GPATCH8: variants seen among roughly 807,000 people sequenced by gnomAD.
The protein encoded by GPATCH8 is G-patch domain containing 8.
GPATCH8 carries 18 observed loss-of-function variants against 118.3 expected under a neutral mutation model. The observed-to-expected ratio is 0.15, with a 90% CI of 0.11 to 0.23. GPATCH8 has a LOEUF of 0.23. Ranked by LOEUF, GPATCH8 falls within the 10% of genes least tolerant of loss-of-function variation. The probability of loss-of-function intolerance (pLI) is 1.00; values close to 1 mark genes in which losing one functional copy is unlikely to be tolerated. For missense variants in GPATCH8, 1,631 were observed against 1,873.8 expected (o/e 0.87, Z 2.39); for synonymous variants, 659 against 684.7 (o/e 0.96, Z 0.59).
chr17:44,409,368 G>T (rs923626108), intron 6 of GPATCH8: 1 of 152,048 alleles, frequency 6.6e-6, no homozygotes, highest in South Asian at 2.1e-4. Context: ...CCAAGACATG[G>T]GTTATAAGGT....
At chr17:44,490,785 G>T (rs1447757777) in intron 1 of GPATCH8, among the ~76,000 whole-genome samples, 1 of 152,092 alleles carries the variant, frequency 6.6e-6, no homozygotes. Context: ...CAACCTGGCT[G>T]ACCTGCTCTG....
chr17:44,480,707 CAA>C (rs1370443105), intron 1 of GPATCH8, among the ~76,000 whole-genome samples: 16 of 100,154 alleles, frequency 1.6e-4, no homozygotes, highest in Admixed American at 3.1e-4. Flanking sequence ...GCAACAAGGG[CAA>C]AAAAAAAAAA....
At chr17:44,430,082 A>G (rs1044260527) in intron 5 of GPATCH8, among the ~76,000 whole-genome samples, 1 of 34,008 alleles carries the variant, frequency 2.9e-5, no homozygotes, top group Non-Finnish European at 5.6e-5. Flanking sequence ...CGACCCACCC[A>G]CCCACCCACT....
chr17:44,445,128 G>C (rs1423259576), intron 3 of GPATCH8, among the ~76,000 whole-genome samples: 1 of 152,090 alleles, frequency 6.6e-6, no homozygotes, highest in Non-Finnish European at 1.5e-5. Flanking sequence ...GAGCCTTAAG[G>C]CTTGTTCAAT....
Position 44,399,243 on chromosome 17 carries a change from C to G in GPATCH8, c.2834G>C (p.Arg945Pro), listed in dbSNP as rs1225837014. Residue 945 changes from arginine to proline, a missense_variant, in exon 8 of 8, where the codon CGA becomes CCA. By Grantham distance (103) the Arg-to-Pro change is moderately radical. Coordinates refer to ENST00000591680, the MANE Select transcript of GPATCH8 (RefSeq NM_001002909.4). The stretch of plus-strand genomic sequence containing the variant: ...GCGCTCTCTGGTATGACTCCGAGAT[C>G]GGCTTCGGGACTGGCTGCAACTGAG... Reference protein sequence around the residue: ...YSLSCSQSRSRSRSHTRERSR... With the variant: ...YSLSCSQSRSPSRSHTRERSR... 4.3e-6 allele frequency: 7 copies of G among 1,614,016 alleles called. No individual in the cohort carries two copies. In the East Asian group the frequency reaches 6.7e-5, roughly 15 times the overall value.
chr17:44,452,087 A>G (rs1373003710), intron 3 of GPATCH8, among the ~76,000 whole-genome samples: 5 of 151,986 alleles, frequency 3.3e-5, no homozygotes, highest in Non-Finnish European at 7.4e-5. Context: ...TCTGGCCAAC[A>G]TAGTGAAACC....
rs2050021491 is a variant in GPATCH8 at position 44,424,472 on chromosome 17, C to T, written c.369G>A (p.Lys123=). The change falls in exon 6 of 8, where the codon AAG becomes AAA. Residue 123 remains lysine (K), a synonymous_variant. Coordinates refer to ENST00000591680, the MANE Select transcript of GPATCH8 (RefSeq NM_001002909.4). The part of the protein sequence containing the change: ...QKYKDYVDKE[K]AIAKALEDLR... ...GGTCTTCCAAGGCTTTGGCAATTGC[C>T]TTCTCTTTGTCAACATAATCCTTCA... 6 of 1,608,878 alleles carry T rather than the reference C, an allele frequency of 3.7e-6. No individual in the cohort carries two copies. In the Admixed American group the frequency reaches 5.0e-5, roughly 13 times the overall value.
intron 1 of GPATCH8, among the ~76,000 whole-genome samples, chr17:44,491,747 G>A (rs1446163763): frequency 6.6e-6 from 1 of 151,936 alleles, no homozygotes; most frequent in Non-Finnish European, 1.5e-5. Context: ...CCAGCTACTC[G>A]GGAGGCTGCA....
chr17:44,452,709 G>C (rs150599711), intron 3 of GPATCH8, among the ~76,000 whole-genome samples: 1 of 152,160 alleles, frequency 6.6e-6, no homozygotes, highest in Non-Finnish European at 1.5e-5. Context: ...AATGAAAAGA[G>C]ATTTCGATGG....
At position 44,399,945 on chromosome 17, in the gene GPATCH8, C is replaced by T. The variant is rs749352671; in HGVS notation, c.2132G>A (p.Arg711His). 15 of 1,613,924 alleles carry T rather than the reference C, an allele frequency of 9.3e-6. No individual in the cohort carries two copies. Among genetic ancestry groups the T allele is most frequent in the East Asian group, 2.2e-5 (1 of 44,888 alleles). Residue 711 changes from arginine to histidine, a missense_variant, in exon 8 of 8, where the codon CGC (arginine) becomes CAC (histidine). By Grantham distance (29) the Arg-to-His change is conservative. Transcript: ENST00000591680. ...KAESGEKSKK[R>H]KKRKRKKNKS... The stretch of plus-strand genomic sequence containing the variant: ...ATTCTTCTTTCGTTTTCGTTTCTTG[C>T]GCTTCTTAGATTTCTCCCCTGACTC...
intron 3 of GPATCH8, among the ~76,000 whole-genome samples, chr17:44,458,012 G>A (rs2051399741): frequency 6.6e-6 from 1 of 151,808 alleles, no homozygotes; most frequent in African/African-American, 2.4e-5. Flanking sequence ...GTGAACCCGG[G>A]AGGTGGAGCT....
intron 1 of GPATCH8, among the ~76,000 whole-genome samples, chr17:44,478,363 G>T (rs1049014373): frequency 6.6e-5 from 10 of 152,060 alleles, no homozygotes; most frequent in African/African-American, 2.4e-4. Context: ...AATGATACAG[G>T]AATAAACCAG....
rs1188702597 is a variant in GPATCH8 at position 44,398,877 on chromosome 17, T to C, written c.3200A>G (p.Asn1067Ser). The C allele has an allele frequency of 1.2e-6, 2 of 1,614,092 alleles. No individual in the cohort carries two copies. The highest frequency in any genetic ancestry group is 1.6e-4 in the Middle Eastern group (1 of 6,062). Residue 1067 changes from asparagine to serine, a missense_variant, in exon 8 of 8, where the codon AAC becomes AGC. Physicochemically the swap from Asn to Ser is conservative, Grantham distance 46. Transcript: ENST00000591680. ...CCCTCTTCCTGTGCCAATGTTGCTG[T>C]TCTGGGAAGGTGGACCTGTTGCTTT... ...DSKATGPPSQ[N>S]SNIGTGRGSE...
chr17:44,490,123 C>A (rs1969127438), intron 1 of GPATCH8, among the ~76,000 whole-genome samples: 1 of 151,972 alleles, frequency 6.6e-6, no homozygotes, highest in Non-Finnish European at 1.5e-5. Flanking sequence ...CACAGGGACA[C>A]CCTATCTTTA....
At chr17:44,413,446 G>A (rs757916331) in intron 6 of GPATCH8, among the ~76,000 whole-genome samples, 2 of 151,878 alleles carry the variant, frequency 1.3e-5, no homozygotes, top group Non-Finnish European at 2.9e-5. Flanking sequence ...AATTTTTTGT[G>A]TTGGGATTAC....
At chr17:44,441,924 A>G (rs2050704335) in intron 3 of GPATCH8, among the ~76,000 whole-genome samples, 1 of 151,806 alleles carries the variant, frequency 6.6e-6, no homozygotes, top group South Asian at 2.1e-4. Context: ...GCTACTTGGG[A>G]GGCTGAGGCA....
chr17:44,445,963 T>A (rs575713984), intron 3 of GPATCH8: 1 of 152,300 alleles, frequency 6.6e-6, no homozygotes, highest in African/African-American at 2.4e-5. Context: ...AGAGACAGAA[T>A]CTCACCCTGT....
At chr17:44,455,360 G>A (rs2051288936) in intron 3 of GPATCH8, among the ~76,000 whole-genome samples, 1 of 152,054 alleles carries the variant, frequency 6.6e-6, no homozygotes, top group Non-Finnish European at 1.5e-5. Context: ...GATTAGCCAG[G>A]CGTGGTGGCA....
intron 1 of GPATCH8, among the ~76,000 whole-genome samples, chr17:44,502,993 C>T (rs1236233633): frequency 1.3e-5 from 2 of 152,260 alleles, no homozygotes; most frequent in African/African-American, 2.4e-5. Context: ...CCTCTTGTCC[C>T]CTGGGAGCCA....
Sources: allele counts gnomAD v4.1 joint callset (sites outside exome capture counted in the v4.1 genomes callset), GRCh38; gene constraint gnomAD v4.1.1; transcripts MANE v1.5; gene names NCBI Gene and HGNC (gene_info 2026-07-23, HGNC 2026-07-21).